LRP1B: variants seen among roughly 807,000 people sequenced by gnomAD.
LRP1B encodes the protein low-density lipoprotein receptor-related protein 1B.
In LRP1B, 217 loss-of-function variants were observed where a neutral mutation model predicts 556.6. The observed-to-expected ratio is 0.39, with a 90% CI of 0.35 to 0.44. The LOEUF (loss-of-function observed/expected upper bound fraction) is 0.44, where lower values mean the gene tolerates loss of function less well. Ranked by LOEUF, LRP1B falls within the 20% of genes least tolerant of loss-of-function variation. The pLI is 1.00. For missense variants in LRP1B, 5,053 were observed against 5,620.8 expected, an observed-to-expected ratio of 0.90 and a Z score of 3.23; for synonymous variants, 2,047 against 1,865.8, an observed-to-expected ratio of 1.10 and a Z score of -2.50.
At chr2:141,544,375 TC>T (rs1685460285) in intron 2 of LRP1B, among the ~76,000 whole-genome samples, 9 of 115,316 alleles carry the variant, frequency 7.8e-5, no homozygotes, top group South Asian at 3.5e-4. Context: ...TTCTTCTTCT[TC>T]TTCTTCTCCT....
chr2:140,559,771 A>C (rs1680864515), intron 43 of LRP1B, among the ~76,000 whole-genome samples: 1 of 151,454 alleles, frequency 6.6e-6, no homozygotes, highest in Admixed American at 6.6e-5. Context: ...AAAAAAAAAA[A>C]CCAAGTTAAC....
In LRP1B at chr2:140,763,350, A is replaced by G. The variant is rs114738364; in HGVS notation, c.5758+5863T>C. On this transcript the variant is annotated intron_variant, in intron 35 of 90. Coordinates refer to ENST00000389484, the MANE Select transcript of LRP1B (RefSeq NM_018557.3). ...GAATGTACCACTGAGGAGAAGCCTC[A>G]GTAGCTAAAAAGAAATATGGCAGCA... Among the ~76,000 whole-genome samples the G allele has an allele frequency of 8.1e-3, 1,238 of 152,208 alleles. 22 individuals are homozygous for G. The highest frequency in any genetic ancestry group is 0.028 in the African/African-American group (1,170 of 41,526).
At chr2:140,645,358 G>A (rs1374963825) in intron 41 of LRP1B, among the ~76,000 whole-genome samples, 1 of 151,844 alleles carries the variant, frequency 6.6e-6, no homozygotes, top group African/African-American at 2.4e-5. Context: ...ACTATATAAT[G>A]AGCTTTCCAC....
rs1559080177 is a variant in LRP1B, at chr2:142,115,670, TGTAATATATATATAA to T, written c.82+14963_82+14977del. Among the ~76,000 whole-genome samples the T allele has an allele frequency of 2.6e-3, 20 of 7,806 alleles. 1 individual carries two copies. The highest frequency in any genetic ancestry group is 3.2e-3 in the Non-Finnish European group (14 of 4,338). 5.1% of individuals were successfully genotyped at this position (7,806 alleles called of 152,430 possible). A position where few individuals can be genotyped will look rare whatever the true frequency, so the allele number is the denominator to read the frequency against. On this transcript the variant is annotated intron_variant, in intron 1 of 90. Coordinates refer to ENST00000389484, the MANE Select transcript of LRP1B (RefSeq NM_018557.3). Reference sequence around the variant, plus strand: ...ATATATATTATATGTAATATATATATGTAATATATATATAATATATATGTAATATATATATAATAT... The same window carrying T: ...ATATATATTATATGTAATATATATATTATATATGTAATATATATATAATAT...
At chr2:141,790,418 T>C (rs1558877082) in intron 2 of LRP1B, among the ~76,000 whole-genome samples, 3 of 151,880 alleles carry the variant, frequency 2.0e-5, no homozygotes, top group South Asian at 2.1e-4. Context: ...CTGTGTTCTA[T>C]TGTGCCCTGG....
intron 2 of LRP1B, among the ~76,000 whole-genome samples, chr2:141,658,802 A>G (rs1159918347): frequency 6.6e-6 from 1 of 152,212 alleles, no homozygotes; most frequent in Admixed American, 6.5e-5. Flanking sequence ...GCAACTATAA[A>G]TGGTGGTGGA....
At chr2:141,294,740 A>AG (rs1266544941) in intron 3 of LRP1B, among the ~76,000 whole-genome samples, 1 of 2,786 alleles carries the variant, frequency 3.6e-4, no homozygotes, top group South Asian at 0.01. Context: ...ATTCTGTCTC[A>AG]AAAAAAAAAA....
At chr2:140,914,611 G>A (rs1694520287) in intron 21 of LRP1B, among the ~76,000 whole-genome samples, 1 of 151,686 alleles carries the variant, frequency 6.6e-6, no homozygotes, top group Non-Finnish European at 1.5e-5. Context: ...AAGATGAGAA[G>A]GAGCAAAAAA....
chr2:140,495,711 C>T lies in LRP1B; in HGVS notation c.8888G>A (p.Gly2963Asp), dbSNP rs2104874068. The change falls in exon 56 of 91, where the codon GGC (glycine) becomes GAC (aspartate). Residue 2963 changes from glycine to aspartate, a missense_variant. Physicochemically the swap from Gly to Asp is moderately conservative, Grantham distance 94. This residue lies in a region of LRP1B where 3,619 missense variants were observed against 3,931.9 expected (regional missense o/e 0.92). Transcript: ENST00000389484. ...CWPGFQLKDD[G>D]KTCVDIDECS... ...TTCATCAATGTCTACACATGTTTTG[C>T]CGTCATCCTTCAGTTGGAATCCAGG... The T allele has an allele frequency of 1.2e-6, 2 of 1,611,338 alleles. No individual in the cohort carries two copies. The highest frequency in any genetic ancestry group is 8.5e-7 in the Non-Finnish European group (1 of 1,177,770).
chr2:141,744,214 T>C (rs903792283), intron 2 of LRP1B, among the ~76,000 whole-genome samples: 1 of 152,090 alleles, frequency 6.6e-6, no homozygotes, highest in Non-Finnish European at 1.5e-5. Flanking sequence ...TCAAGAAATT[T>C]TTCAGTTTTT....
At chr2:140,262,356 T>C (rs565352150) in intron 86 of LRP1B, among the ~76,000 whole-genome samples, 2 of 152,314 alleles carry the variant, frequency 1.3e-5, no homozygotes, top group Admixed American at 6.5e-5. Context: ...TAATTTTATC[T>C]GTCCCCACAT....
chr2:140,633,648 C>T (rs947026535), intron 41 of LRP1B, among the ~76,000 whole-genome samples: 52 of 151,978 alleles, frequency 3.4e-4, no homozygotes, highest in Non-Finnish European at 2.5e-4. Flanking sequence ...CTTGCTGTTG[C>T]CAAGGACATT....
chr2:141,362,741 A>C lies in LRP1B; in HGVS notation c.344-108100T>G, dbSNP rs532808110. Among the ~76,000 whole-genome samples the C allele has an allele frequency of 9.9e-5, 15 of 152,210 alleles. No homozygotes were observed. In the South Asian group the frequency reaches 3.1e-3, roughly 32 times the overall value. ...ATTTTGTGCCCACAAAATAATTCTG[A>C]AACTGGGATCAAATCCATCCACCTC... On this transcript the variant is annotated intron_variant, in intron 3 of 90. Transcript: ENST00000389484.
chr2:141,413,885 G>A (rs975198990), intron 3 of LRP1B, among the ~76,000 whole-genome samples: 3 of 151,492 alleles, frequency 2.0e-5, no homozygotes, highest in Non-Finnish European at 4.4e-5. Flanking sequence ...GAGAGAGAGA[G>A]AGAGAGACCA....
chr2:140,668,960 G>T (rs1038573062), intron 41 of LRP1B, among the ~76,000 whole-genome samples: 1 of 152,226 alleles, frequency 6.6e-6, no homozygotes, highest in African/African-American at 2.4e-5. Flanking sequence ...TGAGAAATTA[G>T]AATGGAATGG....
chr2:140,233,615 T>C (rs1395344346), intron 90 of LRP1B, among the ~76,000 whole-genome samples: 2 of 151,234 alleles, frequency 1.3e-5, no homozygotes, highest in Non-Finnish European at 3.0e-5. Flanking sequence ...AAAAGCTATG[T>C]TCACTGAGAC....
intron 71 of LRP1B, among the ~76,000 whole-genome samples, chr2:140,367,756 T>C (rs1249262921): frequency 1.3e-5 from 2 of 151,790 alleles, no homozygotes; most frequent in African/African-American, 4.8e-5. Flanking sequence ...AGTTTCAGCA[T>C]AAAGATTCTA....
rs138846614 is a variant in LRP1B at position 140,647,814 on chromosome 2, A to G, written c.6800-46175T>C. Among the ~76,000 whole-genome samples the G allele has an allele frequency of 2.9e-3, 446 of 152,348 alleles. 3 individuals are homozygous for G. Among genetic ancestry groups the G allele is most frequent in the African/African-American group, 0.01 (435 of 41,566 alleles). ...ACAGGTGCTGGAGAGGATGTATAGA[A>G]ATAGGAACACTTTTACACTGTTGGT... On this transcript the variant is annotated intron_variant, in intron 41 of 90. Transcript: ENST00000389484.
chr2:141,823,872 C>T (rs1350266984), intron 1 of LRP1B, among the ~76,000 whole-genome samples: 1 of 152,068 alleles, frequency 6.6e-6, no homozygotes, highest in Non-Finnish European at 1.5e-5. Flanking sequence ...TGGGATCTCC[C>T]TATGTTGCCC....
Sources: allele counts gnomAD v4.1 joint callset (sites outside exome capture counted in the v4.1 genomes callset), GRCh38; gene constraint gnomAD v4.1.1; regional missense constraint gnomAD v4.1.1; transcripts MANE v1.5; gene names NCBI Gene and HGNC (gene_info 2026-07-23, HGNC 2026-07-21).